Variants in CSMD1 observed in about 807,000 individuals in gnomAD.
CSMD1 encodes CUB and Sushi multiple domains 1, also known as CUB and sushi domain-containing protein 1.
In CSMD1, 213 loss-of-function variants were observed where a neutral mutation model predicts 417.5. The ratio of observed to expected loss-of-function variants is 0.51; its 90% CI spans 0.46 to 0.57. The LOEUF (loss-of-function observed/expected upper bound fraction) is 0.57. Ranked by LOEUF, CSMD1 falls within the 20% of genes least tolerant of loss-of-function variation. CSMD1 has a pLI of 0.00. For synonymous variants in CSMD1, 2,862 were observed against 1,736.8 expected (o/e 1.65, Z -16.11); for missense variants, 6,923 against 4,529.7 (o/e 1.53, Z -15.17).
chr8:4,082,721 G>C (rs975487249), intron 3 of CSMD1, among the ~76,000 whole-genome samples: 2 of 150,378 alleles, frequency 1.3e-5, no homozygotes, highest in African/African-American at 4.9e-5. Context: ...CCATTAACTC[G>C]TCATTTAGCA....
chr8:4,258,326 AAG>A (rs111516220), intron 3 of CSMD1, among the ~76,000 whole-genome samples: 1,011 of 87,910 alleles, frequency 0.012, 60 homozygotes, highest in African/African-American at 0.049. Flanking sequence ...GAGAGGGAGA[AAG>A]AGAGGGAGGG....
chr8:3,974,134 G>T (rs898248865), intron 5 of CSMD1, among the ~76,000 whole-genome samples: 2 of 151,792 alleles, frequency 1.3e-5, no homozygotes, highest in African/African-American at 4.8e-5. Context: ...AGGTAGTTTT[G>T]TGTGTGTGTG....
chr8:3,044,454 G>C (rs1811304662), intron 50 of CSMD1, among the ~76,000 whole-genome samples: 1 of 152,138 alleles, frequency 6.6e-6, no homozygotes, highest in South Asian at 2.1e-4. Flanking sequence ...TTCACTGGAA[G>C]GCTAGCTTAA....
intron 1 of CSMD1, among the ~76,000 whole-genome samples, chr8:4,646,788 G>C (rs1803544344): frequency 6.6e-6 from 1 of 152,158 alleles, no homozygotes; most frequent in African/African-American, 2.4e-5. Flanking sequence ...GAAGGTTGAA[G>C]CTAATACAAG....
chr8:3,659,275 T>G (rs74752104), intron 7 of CSMD1, among the ~76,000 whole-genome samples: 1 of 152,200 alleles, frequency 6.6e-6, no homozygotes, highest in Admixed American at 6.5e-5. Flanking sequence ...GACTACCAAA[T>G]TGCAGAGATG....
At chr8:4,218,028 A>G (rs1338192885) in intron 3 of CSMD1, among the ~76,000 whole-genome samples, 1 of 152,206 alleles carries the variant, frequency 6.6e-6, no homozygotes, top group Non-Finnish European at 1.5e-5. Flanking sequence ...CCTATGCTTT[A>G]CTGATGGGTT....
chr8:3,403,104 G>T (rs1336898026), intron 15 of CSMD1, among the ~76,000 whole-genome samples: 3 of 152,060 alleles, frequency 2.0e-5, no homozygotes, highest in African/African-American at 7.2e-5. Context: ...TACTTTAATT[G>T]GAATATTACA....
intron 3 of CSMD1, among the ~76,000 whole-genome samples, chr8:4,284,147 C>A (rs531120298): frequency 6.6e-6 from 1 of 152,280 alleles, no homozygotes; most frequent in South Asian, 2.1e-4. Context: ...AAGGGTGGAT[C>A]ACCTGAGGTC....
At chr8:4,695,005 C>G (rs748965703) in intron 1 of CSMD1, among the ~76,000 whole-genome samples, 21 of 152,006 alleles carry the variant, frequency 1.4e-4, no homozygotes, top group Non-Finnish European at 2.2e-4. Flanking sequence ...ATTAAAATAC[C>G]ACGTGATTAA....
chr8:4,812,491 A>G (rs1334394388), intron 1 of CSMD1, among the ~76,000 whole-genome samples: 1 of 152,210 alleles, frequency 6.6e-6, no homozygotes, highest in African/African-American at 2.4e-5. Context: ...GTTGACAGAT[A>G]TCCCAAATAC....
chr8:4,585,899 G>A (rs74389335), intron 2 of CSMD1, among the ~76,000 whole-genome samples: 6,173 of 152,266 alleles, frequency 0.041, 418 homozygotes, highest in African/African-American at 0.14. Flanking sequence ...AATACAAAAT[G>A]TAAGCTGATG....
intron 5 of CSMD1, among the ~76,000 whole-genome samples, chr8:3,893,931 C>T (rs1807169408): frequency 6.6e-6 from 1 of 152,058 alleles, no homozygotes; most frequent in South Asian, 2.1e-4. Flanking sequence ...TGTACAGTTA[C>T]CGCACGTGTG....
intron 2 of CSMD1, among the ~76,000 whole-genome samples, chr8:4,549,065 C>G: frequency 6.6e-6 from 1 of 152,124 alleles, no homozygotes; most frequent in East Asian, 1.9e-4. Flanking sequence ...ATGTTTTTAA[C>G]TTCATTAACT....
At chr8:4,576,113 T>G (rs769489713) in intron 2 of CSMD1, among the ~76,000 whole-genome samples, 1 of 152,254 alleles carries the variant, frequency 6.6e-6, no homozygotes, top group South Asian at 2.1e-4. Context: ...CTCCTCTTTA[T>G]TGCTAGCCTA....
intron 1 of CSMD1, among the ~76,000 whole-genome samples, chr8:4,866,421 T>A (rs1454084815): frequency 6.6e-6 from 1 of 152,052 alleles, no homozygotes; most frequent in Non-Finnish European, 1.5e-5. Flanking sequence ...TTCTCTAAGA[T>A]AATCTTGATA....
At chr8:4,913,036 G>T (rs1380405218) in intron 1 of CSMD1, among the ~76,000 whole-genome samples, 1 of 152,082 alleles carries the variant, frequency 6.6e-6, no homozygotes, top group Non-Finnish European at 1.5e-5. Flanking sequence ...TGATCCACCT[G>T]CCTCGGCCTC....
intron 3 of CSMD1, among the ~76,000 whole-genome samples, chr8:4,146,949 C>G (rs1383693265): frequency 6.9e-6 from 1 of 144,194 alleles, no homozygotes; most frequent in Non-Finnish European, 1.5e-5. Flanking sequence ...CTCACCTCAC[C>G]GGCATCAGGC....
At chr8:3,049,121 T>A (rs1420663523) in intron 50 of CSMD1, among the ~76,000 whole-genome samples, 1 of 152,150 alleles carries the variant, frequency 6.6e-6, no homozygotes, top group Admixed American at 6.5e-5. Context: ...GAACTCTCAC[T>A]CATTGCTGGT....
At chr8:4,444,559 C>G (rs907370441) in intron 2 of CSMD1, among the ~76,000 whole-genome samples, 13 of 151,740 alleles carry the variant, frequency 8.6e-5, no homozygotes, top group African/African-American at 3.2e-4. Flanking sequence ...TAGGGGTTTT[C>G]TAAGAATTAA....
Sources: allele counts gnomAD v4.1 joint callset (sites outside exome capture counted in the v4.1 genomes callset), GRCh38; gene constraint gnomAD v4.1.1; transcripts MANE v1.5; gene names NCBI Gene and HGNC (gene_info 2026-07-23, HGNC 2026-07-21).